TRPS1: variants seen among roughly 807,000 people sequenced by gnomAD.
TRPS1 encodes transcriptional repressor GATA binding 1, also known as zinc finger transcription factor Trps1.
TRPS1 carries 6 observed loss-of-function variants against 101.2 expected under a neutral mutation model. The ratio of observed to expected loss-of-function variants is 0.06; its 90% CI spans 0.03 to 0.12. The LOEUF is 0.12. Ranked by LOEUF, TRPS1 falls within the 10% of genes least tolerant of loss-of-function variation. The probability of loss-of-function intolerance (pLI) is 1.00; values close to 1 mark genes in which losing one functional copy is unlikely to be tolerated. For missense variants in TRPS1, 1,363 were observed against 1,567.0 expected, an observed-to-expected ratio of 0.87 and a Z score of 2.20; for synonymous variants, 578 against 589.8, an observed-to-expected ratio of 0.98 and a Z score of 0.29.
chr8:115,602,617 G>A (rs1302533608), intron 4 of TRPS1, among the ~76,000 whole-genome samples: 2 of 152,170 alleles, frequency 1.3e-5, no homozygotes, highest in Non-Finnish European at 2.9e-5. Flanking sequence ...GACATGAACT[G>A]CTTCATTACT....
chr8:115,604,303 C>G lies in TRPS1; in HGVS notation c.1666G>C (p.Val556Leu). Reference sequence around the variant, plus strand: ...TGATAATGACGGAGAAGTGGCCCCACTACAATTACATCAGGGCCATGGCTT... The same window carrying G: ...TGATAATGACGGAGAAGTGGCCCCAGTACAATTACATCAGGGCCATGGCTT... ...SKSHGPDVIV[V>L]GPLLRHYQQL... is the part of the protein sequence containing the mutation. The change falls in exon 4 of 7, where the codon GTG becomes CTG. Residue 556 changes from valine (V) to leucine (L), a missense_variant. Around this residue, in one of 5 missense-constraint regions of TRPS1, gnomAD observed 1,020 missense variants for 1,073.0 expected, o/e 0.95. Coordinates refer to ENST00000395715, the MANE Select transcript of TRPS1 (RefSeq NM_014112.5). The surrounding 1 kb of genome is among the most constrained non-coding windows in gnomAD (Gnocchi z 4.1). 1.2e-6 allele frequency: 2 copies of G among 1,614,110 alleles called. No homozygotes were observed. The highest frequency in any genetic ancestry group is 8.5e-7 in the Non-Finnish European group (1 of 1,180,002).
chr8:115,481,208 T>C (rs1378909372), intron 5 of TRPS1, among the ~76,000 whole-genome samples: 1 of 152,184 alleles, frequency 6.6e-6, no homozygotes, highest in Admixed American at 6.5e-5. Context: ...ATTTCAGGTT[T>C]ATAAATAGCT....
chr8:115,497,933 TA>T (rs3839861), intron 5 of TRPS1, among the ~76,000 whole-genome samples: 92,463 of 151,778 alleles, frequency 0.61, 28,593 homozygotes, highest in East Asian at 0.84. Context: ...TAAGGTCATT[TA>T]ACAACATCAG....
intron 1 of TRPS1, among the ~76,000 whole-genome samples, chr8:115,662,548 A>G (rs1811826904): frequency 6.6e-6 from 1 of 152,048 alleles, no homozygotes; most frequent in Non-Finnish European, 1.5e-5. Flanking sequence ...CACTAGCACA[A>G]ATCTTTTTGC....
intron 6 of TRPS1, 146 bp from the exon 7 acceptor site, chr8:115,415,230 GC>G (rs1812891146): frequency 1.1e-6 from 1 of 890,528 alleles, no homozygotes; most frequent in Non-Finnish European, 1.6e-6. Flanking sequence ...TCCTCCTTTT[GC>G]CCTAAGCAGG....
chr8:115,647,774 C>A (rs1811451776), intron 1 of TRPS1, among the ~76,000 whole-genome samples: 1 of 151,994 alleles, frequency 6.6e-6, no homozygotes, highest in East Asian at 1.9e-4. Flanking sequence ...AAAAAATGGG[C>A]AATTTTGTTA....
intron 5 of TRPS1, among the ~76,000 whole-genome samples, chr8:115,479,157 T>C (rs539534436): frequency 1.9e-4 from 29 of 152,224 alleles, no homozygotes; most frequent in South Asian, 6.2e-4. Context: ...TACAACACTT[T>C]ACACAGTCAA....
intron 3 of TRPS1, among the ~76,000 whole-genome samples, chr8:115,616,826 C>A (rs1421034314): frequency 1.3e-5 from 2 of 152,116 alleles, no homozygotes; most frequent in Non-Finnish European, 2.9e-5. Flanking sequence ...AGCTTTTAGC[C>A]TCCACGAAGT....
At chr8:115,465,317 T>G (rs919653180) in intron 5 of TRPS1, among the ~76,000 whole-genome samples, 1 of 152,102 alleles carries the variant, frequency 6.6e-6, no homozygotes, top group African/African-American at 2.4e-5. Context: ...AGTTCTAGCA[T>G]CAAAAATGTG....
chr8:115,649,708 C>T (rs963977410), intron 1 of TRPS1, among the ~76,000 whole-genome samples: 1 of 152,242 alleles, frequency 6.6e-6, no homozygotes, highest in Non-Finnish European at 1.5e-5. Flanking sequence ...TATTACTACA[C>T]GCAGCTCATT....
At chr8:115,472,113 G>T (rs1318742342) in intron 5 of TRPS1, among the ~76,000 whole-genome samples, 10 of 152,190 alleles carry the variant, frequency 6.6e-5, no homozygotes, top group Non-Finnish European at 1.3e-4. Flanking sequence ...TTGTGGGGGG[G>T]CTCCTACCGC....
At chr8:115,530,889 C>A (rs199985635) in intron 5 of TRPS1, among the ~76,000 whole-genome samples, 2 of 151,664 alleles carry the variant, frequency 1.3e-5, no homozygotes, top group African/African-American at 4.8e-5. Context: ...ATGAGAACAC[C>A]TGGACACAGG....
At chr8:115,615,240 T>A (rs1818251270) in intron 3 of TRPS1, among the ~76,000 whole-genome samples, 1 of 152,188 alleles carries the variant, frequency 6.6e-6, no homozygotes, top group African/African-American at 2.4e-5. Flanking sequence ...AAAGGCAACA[T>A]ATATATCATA....
intron 1 of TRPS1, among the ~76,000 whole-genome samples, chr8:115,666,475 A>C (rs1279402041): frequency 6.6e-6 from 1 of 152,078 alleles, no homozygotes; most frequent in African/African-American, 2.4e-5. Flanking sequence ...AACTGGTGGA[A>C]TATCTGAGAG....
chr8:115,574,098 C>T (rs147328186), intron 5 of TRPS1, among the ~76,000 whole-genome samples: 73 of 152,280 alleles, frequency 4.8e-4, no homozygotes, highest in African/African-American at 1.6e-3. Context: ...AACTTGAGTA[C>T]AGAAATCTTG....
intron 5 of TRPS1, among the ~76,000 whole-genome samples, chr8:115,457,470 G>A (rs868254495): frequency 4.9e-4 from 75 of 152,180 alleles, no homozygotes; most frequent in African/African-American, 1.8e-3. Context: ...GAGGGAATGG[G>A]GAGTTATTGT....
intron 5 of TRPS1, among the ~76,000 whole-genome samples, chr8:115,489,087 C>T (rs1474266269): frequency 1.3e-5 from 2 of 152,154 alleles, no homozygotes; most frequent in African/African-American, 4.8e-5. Flanking sequence ...ATTTGGCCTT[C>T]TCATCCTCCA....
At chr8:115,653,983 T>C (rs1271136620) in intron 1 of TRPS1, among the ~76,000 whole-genome samples, 2 of 152,242 alleles carry the variant, frequency 1.3e-5, no homozygotes, top group East Asian at 1.9e-4. Context: ...AAAATGACAA[T>C]AGCATTGGGG....
chr8:115,590,621 G>A (rs898120801), intron 4 of TRPS1, among the ~76,000 whole-genome samples: 1 of 152,154 alleles, frequency 6.6e-6, no homozygotes, highest in Non-Finnish European at 1.5e-5. Context: ...AGTTCTTACT[G>A]GTGAAATGAC....
Sources: allele counts gnomAD v4.1 joint callset (sites outside exome capture counted in the v4.1 genomes callset), GRCh38; gene constraint gnomAD v4.1.1; regional missense constraint gnomAD v4.1.1; non-coding constraint Gnocchi (gnomAD v3.1); transcripts MANE v1.5; gene names NCBI Gene and HGNC (gene_info 2026-07-23, HGNC 2026-07-21).